MTTP: variants seen among roughly 807,000 people sequenced by gnomAD.
MTTP encodes the protein microsomal triglyceride transfer protein.
Under a neutral mutation model 90.6 loss-of-function variants are expected in MTTP, and 49 were observed. That is an observed-to-expected ratio of 0.54 (90% CI 0.43 to 0.69). MTTP has a LOEUF of 0.69. MTTP is among the 30% of genes least tolerant of loss of function. The pLI is 0.00. For missense variants in MTTP, 945 were observed against 1,067.5 expected, an observed-to-expected ratio of 0.89 and a Z score of 1.60; for synonymous variants, 347 against 384.2, an observed-to-expected ratio of 0.90 and a Z score of 1.13.
chr4:99,588,788 CATAT>C (rs10598154), intron 3 of MTTP, among the ~76,000 whole-genome samples: 2 of 34,252 alleles, frequency 5.8e-5, no homozygotes, highest in Non-Finnish European at 9.1e-5. Flanking sequence ...TATATACACA[CATAT>C]ATATATGTTC....
Position 99,583,507 on chromosome 4 carries a change from T to C in MTTP, c.383T>C (p.Ile128Thr), listed in dbSNP as rs3816873. 0.26 allele frequency: 414,647 copies of C among 1,613,128 alleles called. 55,034 individuals carry two copies. Among genetic ancestry groups the C allele is most frequent in the Middle Eastern group, 0.35 (2,129 of 6,058 alleles). ...CAAAGACCTACGCTCCTTCATCTAA[T>C]CCATGGAAAGGTAAAGGGGCGTTTA... ...ALQRPTLLHLIHGKVKEFYSY... is the reference protein window; with the variant it reads ...ALQRPTLLHLTHGKVKEFYSY... Residue 128 changes from isoleucine (I) to threonine (T), a missense_variant, in exon 3 of 18, where the codon ATC becomes ACC. Ile to Thr is a moderately conservative substitution (Grantham distance 89). Coordinates refer to ENST00000265517, the MANE Select transcript of MTTP (RefSeq NM_001386140.1).
Position 99,591,723 on chromosome 4 carries a change from C to G in MTTP, c.691C>G (p.Leu231Val). 2 of 1,612,696 alleles carry G rather than the reference C, an allele frequency of 1.2e-6. No homozygotes were observed. The highest frequency in any genetic ancestry group is 1.7e-6 in the Non-Finnish European group (2 of 1,178,932). Residue 231 changes from leucine (L) to valine (V), a missense_variant, in exon 6 of 18, where the codon CTT becomes GTT. Physicochemically the swap from Leu to Val is conservative, Grantham distance 32. Transcript: ENST00000265517. Reference protein sequence around the residue: ...KIEDSFVIAVLAEETHNFGLN... With the variant: ...KIEDSFVIAVVAEETHNFGLN... ...AGAAGACAGCTTTGTTATAGCTGTG[C>G]TTGCTGAAGAAACACACAATTTTGG...
Position 99,591,777 on chromosome 4 carries a change from A to G in MTTP, c.745A>G (p.Lys249Glu). The change falls in exon 6 of 18, where the codon AAA (lysine) becomes GAA (glutamate). Residue 249 changes from lysine (K) to glutamate (E), a missense_variant. Lys to Glu is a moderately conservative substitution (Grantham distance 56). Coordinates refer to ENST00000265517, the MANE Select transcript of MTTP (RefSeq NM_001386140.1). ...GAATTTCCTACAAACCATTAAGGGG[A>G]AAATAGTATCGAAGTAAGATAATGC... is the stretch of plus-strand genomic sequence containing the variant. ...GLNFLQTIKG[K>E]IVSKQKLELK... is the part of the protein sequence containing the mutation. The G allele has an allele frequency of 6.2e-7, 1 of 1,612,048 alleles. No homozygotes were observed. Among genetic ancestry groups the G allele is most frequent in the Non-Finnish European group, 8.5e-7 (1 of 1,178,428 alleles).
At chr4:99,620,894 T>TG (rs760336004) in intron 16 of MTTP, 167 bp from the exon 17 acceptor site, 209 of 661,030 alleles carry the variant, frequency 3.2e-4, no homozygotes, top group Non-Finnish European at 4.7e-4. Context: ...CACCAGGCCC[T>TG]GGTTACCAGC....
chr4:99,576,271 A>AT (rs1373874079), intron 1 of MTTP, among the ~76,000 whole-genome samples: 1 of 152,240 alleles, frequency 6.6e-6, no homozygotes, highest in African/African-American at 2.4e-5. Flanking sequence ...TTTAAATACC[A>AT]TAGTATCAAA....
At position 99,618,873 on chromosome 4, in the gene MTTP, T is replaced by C. The variant is rs1726162724; in HGVS notation, c.2218-101T>C. The C allele has an allele frequency of 2.7e-6, 4 of 1,473,278 alleles. No individual in the cohort carries two copies. The South Asian group carries it at 4.7e-5, about 17-fold the overall frequency. 91.3% of individuals were successfully genotyped at this position (1,473,278 alleles called of 1,614,324 possible). On this transcript the variant is annotated intron_variant, in intron 15 of 17. Transcript: ENST00000265517. ...GACTCCAACATCAACACAACTCAAA[T>C]GGAATTATCTACAGCAGGAGGTCAA...
intron 16 of MTTP, 48 bp downstream of exon 16, chr4:99,619,146 T>A (rs1399342665): frequency 6.6e-7 from 1 of 1,515,732 alleles, no homozygotes; most frequent in Admixed American, 1.7e-5. Context: ...TAAGACTATA[T>A]ACAGAGAACT....
intron 1 of MTTP, among the ~76,000 whole-genome samples, chr4:99,566,421 T>A (rs998126382): frequency 2.0e-5 from 3 of 152,106 alleles, no homozygotes; most frequent in Non-Finnish European, 4.4e-5. Flanking sequence ...AGCACATACT[T>A]GTAGTTTAAG....
intron 1 of MTTP, among the ~76,000 whole-genome samples, chr4:99,568,737 A>C (rs190393412): frequency 1.6e-3 from 241 of 152,234 alleles, no homozygotes; most frequent in Middle Eastern, 6.8e-3. Context: ...CCCAAACAAA[A>C]CACATTTATG....
chr4:99,576,556 G>C (rs867124887), intron 1 of MTTP, among the ~76,000 whole-genome samples: 26 of 150,410 alleles, frequency 1.7e-4, no homozygotes, highest in African/African-American at 5.8e-4. Flanking sequence ...TTAGCCGGGC[G>C]TAGTGGCGGG....
intron 3 of MTTP, among the ~76,000 whole-genome samples, chr4:99,584,587 A>G (rs1027667658): frequency 6.7e-6 from 1 of 148,946 alleles, no homozygotes; most frequent in African/African-American, 2.4e-5. Context: ...ACTATCTTCA[A>G]GAATGCTTTC....
chr4:99,564,274 G>A, intron 1 of MTTP: 11 of 1,520,330 alleles, frequency 7.2e-6, no homozygotes, highest in Non-Finnish European at 9.7e-6. Context: ...TAGTCCCACT[G>A]TTAAAAATGC....
chr4:99,571,614 A>G (rs1724844076), upstream of MTTP, among the ~76,000 whole-genome samples: 1 of 151,920 alleles, frequency 6.6e-6, no homozygotes, highest in Admixed American at 6.6e-5. Flanking sequence ...TTGGAGTTTT[A>G]GATTCCCAGT....
At chr4:99,592,190 G>C (rs1725443630) in intron 6 of MTTP, among the ~76,000 whole-genome samples, 1 of 152,054 alleles carries the variant, frequency 6.6e-6, no homozygotes, top group Admixed American at 6.6e-5. Flanking sequence ...ATTCATAAAA[G>C]GTACATAAGT....
intron 17 of MTTP, 53 bp downstream of exon 17, chr4:99,621,284 A>T: frequency 6.3e-7 from 1 of 1,578,476 alleles, no homozygotes; most frequent in East Asian, 2.2e-5. Flanking sequence ...TGCACCAGGA[A>T]CTTGCATTCA....
At position 99,611,134 on chromosome 4, in the gene MTTP, A is replaced by G. The variant is rs1397448574; in HGVS notation, c.1770-9A>G. The G allele has an allele frequency of 5.0e-6, 8 of 1,611,514 alleles. No homozygotes were observed. Among genetic ancestry groups the G allele is most frequent in the Non-Finnish European group, 6.8e-6 (8 of 1,178,338 alleles). ...AATGTGCAGCTTTTTTTTTCCTCAT[A>G]TGTTGCAGCAAAATTGTCCGTCGAG... On this transcript the variant is annotated splice_polypyrimidine_tract_variant and intron_variant, in intron 12 of 17. Coordinates refer to ENST00000265517, the MANE Select transcript of MTTP (RefSeq NM_001386140.1).
In MTTP at chr4:99,608,802, C is replaced by T. The variant is rs745443543; in HGVS notation, c.1594C>T (p.Arg532Cys). 6.2e-6 allele frequency: 10 copies of T among 1,613,894 alleles called. No homozygotes were observed. The highest frequency in any genetic ancestry group is 3.3e-5 in the Admixed American group (2 of 59,990). Residue 532 changes from arginine to cysteine, a missense_variant, in exon 12 of 18, where the codon CGT becomes TGT. Physicochemically the swap from Arg to Cys is radical, Grantham distance 180. Transcript: ENST00000265517. ...KTLNRIYHQN[R>C]KVHEKTVRTA... ...CTTAAACAGAATATACCACCAAAAC[C>T]GTAAAGTTCATGAAAAGACTGTGCG...
Position 99,618,994 on chromosome 4 carries a change from A to G in MTTP, c.2238A>G (p.Gly746=). 1 of 1,612,992 alleles carries G rather than the reference A, an allele frequency of 6.2e-7. No individual in the cohort carries two copies. Among genetic ancestry groups the G allele is most frequent in the Non-Finnish European group, 8.5e-7 (1 of 1,179,072 alleles). ...DHSQELQLQS[G]LKANIEVQGG... is the part of the protein sequence containing the mutation. Reference sequence around the variant, plus strand: ...TCTAGGAACTTCAGTTACAATCTGGACTAAAAGCCAATATAGAGGTCCAGG... The same window carrying G: ...TCTAGGAACTTCAGTTACAATCTGGGCTAAAAGCCAATATAGAGGTCCAGG... The change falls in exon 16 of 18, where the codon GGA becomes GGG. Residue 746 remains glycine (G), a synonymous_variant. Coordinates refer to ENST00000265517, the MANE Select transcript of MTTP (RefSeq NM_001386140.1).
In MTTP at chr4:99,591,762, C is replaced by A; in HGVS notation, c.730C>A (p.Gln244Lys). ...ACACAATTTTGGACTGAATTTCCTA[C>A]AAACCATTAAGGGGAAAATAGTATC... ...ETHNFGLNFL[Q>K]TIKGKIVSKQ... Residue 244 changes from glutamine to lysine, a missense_variant, in exon 6 of 18, where the codon CAA becomes AAA. By Grantham distance (53) the Gln-to-Lys change is moderately conservative. Coordinates refer to ENST00000265517, the MANE Select transcript of MTTP (RefSeq NM_001386140.1). 6.2e-7 allele frequency: 1 copy of A among 1,612,388 alleles called. No homozygotes were observed. Among genetic ancestry groups the A allele is most frequent in the Non-Finnish European group, 8.5e-7 (1 of 1,178,698 alleles).
Sources: gnomAD v4.1 joint callset for allele counts (sites outside exome capture counted in the v4.1 genomes callset) on GRCh38, gnomAD v4.1.1 for gene constraint, MANE v1.5 for transcripts, NCBI Gene and HGNC (gene_info 2026-07-23, HGNC 2026-07-21) for gene names.